Variants in ADAMTS16 observed in about 807,000 individuals in gnomAD.
ADAMTS16 encodes the protein ADAM metallopeptidase with thrombospondin type 1 motif 16, also known as A disintegrin and metalloproteinase with thrombospondin motifs 16.
A neutral mutation model predicts 145.8 loss-of-function variants in ADAMTS16; 94 were observed. The ratio of observed to expected loss-of-function variants is 0.64; its 90% CI spans 0.55 to 0.77. The LOEUF (loss-of-function observed/expected upper bound fraction) is 0.77, where lower values mean the gene tolerates loss of function less well. ADAMTS16 is among the 30% of genes least tolerant of loss of function. ADAMTS16 has a pLI of 0.00. For synonymous variants in ADAMTS16, 659 were observed against 604.3 expected, an observed-to-expected ratio of 1.09 and a Z score of -1.33; for missense variants, 1,585 against 1,591.5, an observed-to-expected ratio of 1.00 and a Z score of 0.07.
At chr5:5,185,403 C>G (rs6867948) in intron 4 of ADAMTS16, among the ~76,000 whole-genome samples, 25,585 of 152,160 alleles carry the variant, frequency 0.17, 2,329 homozygotes, top group Middle Eastern at 0.22. Flanking sequence ...GTTAACCTAA[C>G]AATTATACAT....
intron 8 of ADAMTS16, among the ~76,000 whole-genome samples, chr5:5,192,693 G>A (rs1735697164): frequency 6.6e-6 from 1 of 152,160 alleles, no homozygotes; most frequent in African/African-American, 2.4e-5. Flanking sequence ...TGGGCGGTGG[G>A]TCATTAGTGT....
intron 7 of ADAMTS16, 70 bp downstream of exon 7, chr5:5,190,200 G>A: frequency 6.8e-7 from 1 of 1,465,522 alleles, no homozygotes; most frequent in Non-Finnish European, 9.0e-7. Flanking sequence ...ACAGTGTTGA[G>A]TATTTTTGCC....
chr5:5,182,208 C>T lies in ADAMTS16; in HGVS notation c.666C>T (p.Thr222=). ...CTGGGGCCAGTGAGGTCCTGGTGAC[C>T]TCAAGGACATGGGAGCTGGCACATC... ...HAPGASEVLV[T]SRTWELAHQP... Residue 222 remains threonine (T), a synonymous_variant, in exon 4 of 23, where the codon ACC becomes ACT. Transcript: ENST00000274181. 1 of 1,614,168 alleles carries T rather than the reference C, an allele frequency of 6.2e-7. No homozygotes were observed. Among genetic ancestry groups the T allele is most frequent in the Non-Finnish European group, 8.5e-7 (1 of 1,180,034 alleles).
intron 3 of ADAMTS16, among the ~76,000 whole-genome samples, chr5:5,161,921 T>C (rs1734751552): frequency 6.6e-6 from 1 of 152,202 alleles, no homozygotes; most frequent in South Asian, 2.1e-4. Context: ...TTTATCTTAC[T>C]GTTCTTTTTC....
Position 5,248,381 on chromosome 5 carries a change from T to C in ADAMTS16, c.2662+6190T>C, listed in dbSNP as rs921750756. The stretch of plus-strand genomic sequence containing the variant: ...AGATGAAAGCAGCGCCCAAGCACAT[T>C]GCTCATCAAACTCACCACCCCATGG... On this transcript the variant is annotated intron_variant, in intron 17 of 22. Transcript: ENST00000274181. Among the ~76,000 whole-genome samples the C allele has an allele frequency of 5.9e-5, 9 of 152,334 alleles. No individual in the cohort carries two copies. The East Asian group carries it at 1.7e-3, about 29-fold the overall frequency.
chr5:5,301,047 AATTTTT>A (rs964028473), intron 18 of ADAMTS16, among the ~76,000 whole-genome samples: 64 of 152,216 alleles, frequency 4.2e-4, no homozygotes, highest in African/African-American at 1.5e-3. Flanking sequence ...TTGGACAATG[AATTTTT>A]ATTTTTATTT....
At chr5:5,220,051 A>G (rs1407745731) in intron 10 of ADAMTS16, among the ~76,000 whole-genome samples, 4 of 152,164 alleles carry the variant, frequency 2.6e-5, no homozygotes, top group Non-Finnish European at 5.9e-5. Context: ...TGGTTTTCAC[A>G]GGAGCAAATG....
intron 18 of ADAMTS16, among the ~76,000 whole-genome samples, chr5:5,279,449 T>TA (rs1474112331): frequency 6.6e-6 from 1 of 152,198 alleles, no homozygotes; most frequent in Non-Finnish European, 1.5e-5. Context: ...CTGGAAGCTT[T>TA]AGGGACTTTT....
chr5:5,197,658 A>G (rs1735843720), intron 8 of ADAMTS16, among the ~76,000 whole-genome samples: 1 of 152,260 alleles, frequency 6.6e-6, no homozygotes, highest in Non-Finnish European at 1.5e-5. Flanking sequence ...TAGTAGTTAT[A>G]GTTCTTGGTT....
chr5:5,146,490 G>C (rs778348669), intron 3 of ADAMTS16, 35 bp downstream of exon 3: 1 of 1,557,274 alleles, frequency 6.4e-7, no homozygotes, highest in Non-Finnish European at 8.7e-7. Context: ...AGGGAGGCGA[G>C]GTTGGTGATG....
chr5:5,240,580 A>G (rs1737258536), intron 16 of ADAMTS16, among the ~76,000 whole-genome samples: 2 of 152,186 alleles, frequency 1.3e-5, no homozygotes, highest in Non-Finnish European at 2.9e-5. Flanking sequence ...CAGTTGAAAG[A>G]AGGTTCTTGG....
rs541548322 is a variant in ADAMTS16, at chr5:5,234,193, A to G, written c.1851-821A>G. Among the ~76,000 whole-genome samples, 15 of 152,344 alleles carry G rather than the reference A, an allele frequency of 9.8e-5. No individual in the cohort carries two copies. The South Asian group carries it at 3.1e-3, about 32-fold the overall frequency. On this transcript the variant is annotated intron_variant, in intron 12 of 22. Transcript: ENST00000274181. ...CCCGCATTACCAGTGTGTACATGCA[A>G]ATTCTCTGGGGTGAGCTGTCAGTGC...
chr5:5,257,733 C>T (rs1454801432), intron 17 of ADAMTS16, among the ~76,000 whole-genome samples: 45 of 152,154 alleles, frequency 3.0e-4, no homozygotes, highest in Admixed American at 2.9e-3. Context: ...AGCTTGGTGT[C>T]CTACAATTCA....
chr5:5,198,968 C>A (rs906015404), intron 8 of ADAMTS16, among the ~76,000 whole-genome samples: 5 of 152,204 alleles, frequency 3.3e-5, no homozygotes, highest in Non-Finnish European at 5.9e-5. Context: ...ACATGAGACC[C>A]TGTGCTCTGG....
chr5:5,201,222 G>A (rs932617640), intron 9 of ADAMTS16, among the ~76,000 whole-genome samples: 3 of 152,122 alleles, frequency 2.0e-5, no homozygotes, highest in South Asian at 4.2e-4. Context: ...GGTGTTCCTG[G>A]AGGAACTCAT....
At position 5,239,907 on chromosome 5, in the gene ADAMTS16, C is replaced by T. The variant is rs200262904; in HGVS notation, c.2505C>T (p.Asn835=). 431 of 1,613,898 alleles carry T rather than the reference C, an allele frequency of 2.7e-4. 4 individuals carry two copies. In the African/African-American group the frequency reaches 4.1e-3, roughly 15 times the overall value. The change falls in exon 16 of 23, where the codon AAC becomes AAT. Residue 835 remains asparagine (N), a synonymous_variant. Coordinates refer to ENST00000274181, the MANE Select transcript of ADAMTS16 (RefSeq NM_139056.4). ...ACTTAATCGCTACTGGACCAACCAA[C>T]GAGACACTGATTGTGGAGGTAAAGT... ...PENLIATGPT[N]ETLIVELLFQ... is the part of the protein sequence containing the mutation.
At chr5:5,292,465 T>A (rs1739365946) in intron 18 of ADAMTS16, among the ~76,000 whole-genome samples, 1 of 151,820 alleles carries the variant, frequency 6.6e-6, no homozygotes, top group Non-Finnish European at 1.5e-5. Flanking sequence ...GCCATTGCAC[T>A]CCAGCCTGTG....
In ADAMTS16 at chr5:5,317,352, T is replaced by C. The variant is rs1429678457; in HGVS notation, c.3412-782T>C. ...TTTGAGGAGATAATATGCCAATCCA[T>C]GAATATCAGCTTTTTTAATCAGTAT... is the stretch of plus-strand genomic sequence containing the variant. On this transcript the variant is annotated intron_variant, in intron 21 of 22. Coordinates refer to ENST00000274181, the MANE Select transcript of ADAMTS16 (RefSeq NM_139056.4). This position sits in a 1 kb window ranked among gnomAD's most constrained non-coding sequence, Gnocchi z 4.5. Among the ~76,000 whole-genome samples, 1 of 152,174 alleles carries C rather than the reference T, an allele frequency of 6.6e-6. No individual in the cohort carries two copies. Among genetic ancestry groups the C allele is most frequent in the African/African-American group, 2.4e-5 (1 of 41,448 alleles).
intron 13 of ADAMTS16, among the ~76,000 whole-genome samples, chr5:5,236,326 A>G (rs555408352): frequency 2.6e-5 from 4 of 152,110 alleles, no homozygotes; most frequent in Non-Finnish European, 5.9e-5. Context: ...AGAAGAGAAC[A>G]AAAGGGGCAA....
Sources: gnomAD v4.1 joint callset for allele counts (sites outside exome capture counted in the v4.1 genomes callset) on GRCh38, gnomAD v4.1.1 for gene constraint, Gnocchi (gnomAD v3.1) non-coding constraint, MANE v1.5 for transcripts, NCBI Gene and HGNC (gene_info 2026-07-23, HGNC 2026-07-21) for gene names.